ATP13A4: variants seen among roughly 807,000 people sequenced by gnomAD.
ATP13A4 encodes ATPase 13A4, also known as probable cation-transporting ATPase 13A4.
Under a neutral mutation model 142.5 loss-of-function variants are expected in ATP13A4, and 114 were observed. The ratio of observed to expected loss-of-function variants is 0.80; its 90% CI spans 0.69 to 0.93. The LOEUF is 0.93. Among genes scored for constraint, ATP13A4 ranks in the 40% least tolerant of loss-of-function variants. The probability of loss-of-function intolerance (pLI) is 0.00; values close to 1 mark genes in which losing one functional copy is unlikely to be tolerated. For missense variants in ATP13A4, 1,392 were observed against 1,454.0 expected (o/e 0.96, Z 0.69); for synonymous variants, 488 against 514.8 (o/e 0.95, Z 0.70).
chr3:193,551,249 T>C (rs1282071237), intron 1 of ATP13A4, among the ~76,000 whole-genome samples: 5 of 152,024 alleles, frequency 3.3e-5, no homozygotes, highest in Admixed American at 3.3e-4. Flanking sequence ...CCATCTCTTC[T>C]AAAAATACAA....
chr3:193,537,167 C>T (rs575054878), intron 1 of ATP13A4, among the ~76,000 whole-genome samples: 7 of 151,870 alleles, frequency 4.6e-5, no homozygotes, highest in East Asian at 3.9e-4. Context: ...TGAAAAATAA[C>T]GAAGTGAAAA....
intron 6 of ATP13A4, 145 bp from the exon 7 acceptor site, chr3:193,490,009 C>T (rs921867495): frequency 6.8e-6 from 6 of 880,564 alleles, no homozygotes; most frequent in African/African-American, 1.7e-5. Context: ...TTGACACGTG[C>T]CAGACACCGC....
intron 3 of ATP13A4, among the ~76,000 whole-genome samples, chr3:193,493,918 A>G (rs1577020503): frequency 6.6e-6 from 1 of 152,092 alleles, no homozygotes; most frequent in African/African-American, 2.4e-5. Context: ...GTAATAACAT[A>G]CAGAGACTGA....
intron 25 of ATP13A4, among the ~76,000 whole-genome samples, chr3:193,415,753 CA>C (rs1715027010): frequency 1.3e-5 from 2 of 152,064 alleles, no homozygotes; most frequent in South Asian, 2.1e-4. Context: ...TTGCCTAGGG[CA>C]AAAAAATTAC....
At chr3:193,437,394 C>T (rs2108619756) in intron 23 of ATP13A4, among the ~76,000 whole-genome samples, 1 of 152,130 alleles carries the variant, frequency 6.6e-6, no homozygotes, top group Non-Finnish European at 1.5e-5. Context: ...GCACTAAATG[C>T]CTACTCACTA....
chr3:193,541,713 T>C (rs1722941731), intron 1 of ATP13A4, among the ~76,000 whole-genome samples: 1 of 152,172 alleles, frequency 6.6e-6, no homozygotes, highest in Non-Finnish European at 1.5e-5. Context: ...ATGTGCTTCA[T>C]GCAGAGTTGA....
At chr3:193,478,185 T>C (rs1002388697) in intron 8 of ATP13A4, among the ~76,000 whole-genome samples, 7 of 151,388 alleles carry the variant, frequency 4.6e-5, no homozygotes, top group Admixed American at 1.3e-4. Context: ...AGAGCACAAA[T>C]AGACAATCTC....
intron 18 of ATP13A4, among the ~76,000 whole-genome samples, chr3:193,445,450 A>T (rs1049020360): frequency 3.3e-5 from 5 of 150,652 alleles, no homozygotes; most frequent in Non-Finnish European, 7.4e-5. Context: ...AAATATATAA[A>T]AAATAAATAA....
chr3:193,500,370 T>C (rs1026912303), intron 3 of ATP13A4, among the ~76,000 whole-genome samples: 1 of 152,026 alleles, frequency 6.6e-6, no homozygotes, highest in Non-Finnish European at 1.5e-5. Flanking sequence ...CCTCTTAGCC[T>C]GTTTCCAAAC....
chr3:193,448,406 C>T, intron 17 of ATP13A4, 76 bp from the exon 18 acceptor site: 6 of 1,560,060 alleles, frequency 3.8e-6, no homozygotes, highest in South Asian at 1.1e-5. Flanking sequence ...GAGTCTCGCT[C>T]TGTCATCCAG....
chr3:193,566,064 G>A (rs1373103104), intron 2 of ATP13A4, among the ~76,000 whole-genome samples: 2 of 152,118 alleles, frequency 1.3e-5, no homozygotes, highest in Non-Finnish European at 2.9e-5. Context: ...AGAATGCAGT[G>A]CCCAAGTCCT....
At chr3:193,412,399 G>A in intron 26 of ATP13A4, 28 bp from the exon 27 acceptor site, 3 of 1,602,694 alleles carry the variant, frequency 1.9e-6, no homozygotes, top group Non-Finnish European at 2.6e-6. Context: ...AGAAGCTAAT[G>A]AAGTAAGATT....
At chr3:193,526,678 T>A (rs932272486) in intron 1 of ATP13A4, among the ~76,000 whole-genome samples, 2 of 152,046 alleles carry the variant, frequency 1.3e-5, no homozygotes, top group Admixed American at 6.6e-5. Flanking sequence ...CCTGTAAACT[T>A]CAAAAATATT....
At chr3:193,452,034 C>A (rs555447672) in intron 17 of ATP13A4, among the ~76,000 whole-genome samples, 7 of 152,152 alleles carry the variant, frequency 4.6e-5, no homozygotes, top group African/African-American at 1.7e-4. Flanking sequence ...TCCTCTCCTG[C>A]GCGCCACAGC....
intron 9 of ATP13A4, among the ~76,000 whole-genome samples, chr3:193,469,680 T>C (rs745386245): frequency 6.2e-4 from 94 of 152,190 alleles, no homozygotes; most frequent in Non-Finnish European, 2.5e-4. Flanking sequence ...ATTGGGACTT[T>C]GGCAACTTTT....
At chr3:193,507,341 C>G (rs1296910553) in intron 2 of ATP13A4, among the ~76,000 whole-genome samples, 1 of 151,610 alleles carries the variant, frequency 6.6e-6, no homozygotes, top group African/African-American at 2.4e-5. Context: ...CATTTTTTTT[C>G]TTTCTCTTTC....
At chr3:193,532,109 A>G (rs1722369328) in intron 1 of ATP13A4, among the ~76,000 whole-genome samples, 1 of 152,112 alleles carries the variant, frequency 6.6e-6, no homozygotes, top group African/African-American at 2.4e-5. Context: ...TCTGAGGGTC[A>G]GGCCAGAGGA....
At chr3:193,550,076 G>A (rs551035653) in intron 1 of ATP13A4, among the ~76,000 whole-genome samples, 50 of 152,256 alleles carry the variant, frequency 3.3e-4, no homozygotes, top group Non-Finnish European at 5.0e-4. Context: ...TGGAAGTCCC[G>A]TTGTAGTATC....
chr3:193,514,698 C>G lies in ATP13A4; in HGVS notation c.234G>C (p.Thr78=), dbSNP rs752385678. Residue 78 remains threonine, a splice_region_variant and synonymous_variant, in exon 2 of 30, where the codon ACG becomes ACC. Transcript: ENST00000342695. ...QEADTVLLRT[T]DEFQIYSWKK... is the part of the protein sequence containing the mutation. ...GCGACATAACCAGGTACACACTTAC[C>G]GTTGTCCTCAGCAACACAGTGTCTG... 1.2e-5 allele frequency: 19 copies of G among 1,613,892 alleles called. No homozygotes were observed. Among genetic ancestry groups the G allele is most frequent in the Non-Finnish European group, 1.4e-5 (17 of 1,179,974 alleles).
Sources: gnomAD v4.1 joint callset for allele counts (sites outside exome capture counted in the v4.1 genomes callset) on GRCh38, gnomAD v4.1.1 for gene constraint, MANE v1.5 for transcripts, NCBI Gene and HGNC (gene_info 2026-07-23, HGNC 2026-07-21) for gene names.